MACROD2: variants seen among roughly 807,000 people sequenced by gnomAD.
The protein encoded by MACROD2 is mono-ADP ribosylhydrolase 2, also known as ADP-ribose glycohydrolase MACROD2.
Under a neutral mutation model 70.4 loss-of-function variants are expected in MACROD2, and 36 were observed. That is an observed-to-expected ratio of 0.51 (90% CI 0.39 to 0.68). The LOEUF (loss-of-function observed/expected upper bound fraction) is 0.68. Among genes scored for constraint, MACROD2 ranks in the 30% least tolerant of loss-of-function variants. The pLI, the probability that MACROD2 is intolerant of heterozygous loss-of-function variation, is 0.00. For missense variants in MACROD2, 496 were observed against 538.4 expected (o/e 0.92, Z 0.78); for synonymous variants, 172 against 178.8 (o/e 0.96, Z 0.30).
At chr20:14,972,628 G>T (rs1036804248) in intron 5 of MACROD2, among the ~76,000 whole-genome samples, 14 of 152,168 alleles carry the variant, frequency 9.2e-5, no homozygotes, top group African/African-American at 2.4e-4. Flanking sequence ...AGGTGACTCA[G>T]TAATTATGAT....
chr20:15,038,847 T>C (rs1481554417), intron 5 of MACROD2, among the ~76,000 whole-genome samples: 3 of 152,252 alleles, frequency 2.0e-5, no homozygotes, highest in Middle Eastern at 3.4e-3. Context: ...CAAGGAAACA[T>C]GATATGAAGT....
At chr20:15,248,173 G>A (rs964364525) in intron 6 of MACROD2, among the ~76,000 whole-genome samples, 45 of 152,166 alleles carry the variant, frequency 3.0e-4, no homozygotes, top group Non-Finnish European at 7.3e-5. Context: ...TGAGGTCAGC[G>A]CATCTCACAC....
At chr20:15,257,924 C>A (rs1336124453) in intron 6 of MACROD2, among the ~76,000 whole-genome samples, 2 of 151,930 alleles carry the variant, frequency 1.3e-5, no homozygotes, top group South Asian at 2.1e-4. Context: ...CCCCTGAAGA[C>A]CTCCCAGTGG....
chr20:15,162,363 C>G (rs1028236127), intron 5 of MACROD2, among the ~76,000 whole-genome samples: 2 of 151,864 alleles, frequency 1.3e-5, no homozygotes, highest in African/African-American at 4.8e-5. Context: ...GACAAAGATA[C>G]GTTTGAATCT....
intron 5 of MACROD2, among the ~76,000 whole-genome samples, chr20:15,042,364 A>T (rs1430357445): frequency 6.6e-6 from 1 of 152,218 alleles, no homozygotes. Flanking sequence ...ATATAAAAAT[A>T]ATGGTACATG....
chr20:14,403,475 A>C (rs978579369), intron 3 of MACROD2, among the ~76,000 whole-genome samples: 4 of 152,220 alleles, frequency 2.6e-5, no homozygotes, highest in African/African-American at 9.6e-5. Context: ...CTCTTCAGTA[A>C]ATGATCAGAA....
chr20:14,133,289 TAATTTACA>T (rs1801710223), intron 3 of MACROD2, among the ~76,000 whole-genome samples: 1 of 152,250 alleles, frequency 6.6e-6, no homozygotes, highest in Admixed American at 6.5e-5. Context: ...GAACCTAGGC[TAATTTACA>T]ACCTTTGATA....
At chr20:14,575,725 G>A (rs1199625361) in intron 4 of MACROD2, among the ~76,000 whole-genome samples, 1 of 152,004 alleles carries the variant, frequency 6.6e-6, no homozygotes, top group African/African-American at 2.4e-5. Flanking sequence ...TATTAATGTA[G>A]GAAAAAATTA....
chr20:14,830,517 A>G (rs969431881), intron 5 of MACROD2, among the ~76,000 whole-genome samples: 1 of 152,070 alleles, frequency 6.6e-6, no homozygotes, highest in African/African-American at 2.4e-5. Flanking sequence ...TTTTGTTTCT[A>G]TTTCATTTTC....
chr20:14,241,616 A>C (rs937412413), intron 3 of MACROD2, among the ~76,000 whole-genome samples: 3 of 152,118 alleles, frequency 2.0e-5, no homozygotes, highest in Non-Finnish European at 2.9e-5. Flanking sequence ...GTACATGGTG[A>C]TATGAGTGCT....
intron 3 of MACROD2, among the ~76,000 whole-genome samples, chr20:14,091,915 T>C (rs2054155606): frequency 6.6e-6 from 1 of 152,170 alleles, no homozygotes; most frequent in African/African-American, 2.4e-5. Flanking sequence ...GTACATGTTT[T>C]TATATGACCA....
At chr20:15,823,422 C>T (rs897289841) in intron 8 of MACROD2, among the ~76,000 whole-genome samples, 1 of 151,984 alleles carries the variant, frequency 6.6e-6, no homozygotes, top group African/African-American at 2.4e-5. Flanking sequence ...CCAGAAAAAT[C>T]TGGGGTTGTA....
intron 5 of MACROD2, among the ~76,000 whole-genome samples, chr20:15,222,454 T>C (rs994074303): frequency 6.6e-6 from 1 of 152,222 alleles, no homozygotes; most frequent in Non-Finnish European, 1.5e-5. Flanking sequence ...TTTCAGGTCA[T>C]AGATTGGTGG....
intron 8 of MACROD2, among the ~76,000 whole-genome samples, chr20:15,854,550 C>T (rs2064336601): frequency 6.6e-6 from 1 of 152,120 alleles, no homozygotes; most frequent in Admixed American, 6.5e-5. Flanking sequence ...CTAGGTTGGG[C>T]CTGGACTTTC....
At chr20:16,049,576 T>C (rs943257625) in intron 17 of MACROD2, among the ~76,000 whole-genome samples, 1 of 152,202 alleles carries the variant, frequency 6.6e-6, no homozygotes, top group African/African-American at 2.4e-5. Context: ...ATTGAGTTAA[T>C]CGTCCCCATC....
intron 4 of MACROD2, among the ~76,000 whole-genome samples, chr20:14,636,943 G>A (rs1760613917): frequency 1.3e-5 from 2 of 152,158 alleles, no homozygotes; most frequent in Non-Finnish European, 2.9e-5. Context: ...AAACACATAT[G>A]AAGACTGGAA....
At chr20:15,509,815 G>A (rs1046176422) in intron 8 of MACROD2, among the ~76,000 whole-genome samples, 2 of 152,208 alleles carry the variant, frequency 1.3e-5, no homozygotes, top group East Asian at 3.9e-4. Context: ...GTCTCTTCTA[G>A]CTTCAGGATT....
intron 8 of MACROD2, among the ~76,000 whole-genome samples, chr20:15,663,703 T>C (rs766724308): frequency 1.3e-5 from 2 of 152,166 alleles, no homozygotes; most frequent in Non-Finnish European, 2.9e-5. Flanking sequence ...ATGCCTACTT[T>C]CAAAATTGCT....
intron 8 of MACROD2, among the ~76,000 whole-genome samples, chr20:15,695,093 C>A (rs2050348296): frequency 6.6e-6 from 1 of 152,052 alleles, no homozygotes; most frequent in Non-Finnish European, 1.5e-5. Context: ...ATTTTTATAC[C>A]AATACCATGC....
Sources: gnomAD v4.1 joint callset for allele counts (sites outside exome capture counted in the v4.1 genomes callset) on GRCh38, gnomAD v4.1.1 for gene constraint, MANE v1.5 for transcripts, NCBI Gene and HGNC (gene_info 2026-07-23, HGNC 2026-07-21) for gene names.